Variants in HLA-DOA observed in about 807,000 individuals in gnomAD.
HLA-DOA encodes the protein major histocompatibility complex, class II, DO alpha.
A neutral mutation model predicts 22.9 loss-of-function variants in HLA-DOA; 27 were observed. The observed-to-expected ratio is 1.18, with a 90% CI of 0.87 to 1.62. The LOEUF (loss-of-function observed/expected upper bound fraction) is 1.62, where lower values mean the gene tolerates loss of function less well. Among genes scored for constraint, HLA-DOA ranks in the 40% most tolerant of loss-of-function variants. HLA-DOA has a pLI of 0.00. For missense variants in HLA-DOA, 324 were observed against 332.4 expected, an observed-to-expected ratio of 0.97 and a Z score of 0.20; for synonymous variants, 137 against 138.6, an observed-to-expected ratio of 0.99 and a Z score of 0.08.
At chr6:33,008,681 A>T (rs1780933281) in intron 1 of HLA-DOA, among the ~76,000 whole-genome samples, 1 of 152,138 alleles carries the variant, frequency 6.6e-6, no homozygotes, top group South Asian at 2.1e-4. Flanking sequence ...GATGCAGTGC[A>T]GGTGGGTGTG....
chr6:33,006,896 C>G, intron 4 of HLA-DOA, 55 bp from the exon 5 acceptor site: 1 of 1,514,484 alleles, frequency 6.6e-7, no homozygotes, highest in South Asian at 1.1e-5. Flanking sequence ...ATGCTGGGAT[C>G]CTATCTCTGA....
intron 4 of HLA-DOA, 44 bp from the exon 5 acceptor site, chr6:33,006,885 T>C (rs1780830028): frequency 6.5e-7 from 1 of 1,540,294 alleles, no homozygotes; most frequent in African/African-American, 1.4e-5. Context: ...TCAATTTCAA[T>C]ATGCTGGGAT....
chr6:33,008,464 T>A, intron 1 of HLA-DOA: 1 of 1,362,694 alleles, frequency 7.3e-7, no homozygotes, highest in East Asian at 2.8e-5. Context: ...CACACTGCAG[T>A]CGGCACAGAG....
Position 33,006,665 on chromosome 6 carries a change from C to A in HLA-DOA, c.*173G>T, listed in dbSNP as rs996177740. The A allele has an allele frequency of 3.5e-5, 32 of 917,436 alleles. No homozygotes were observed. The highest frequency in any genetic ancestry group is 5.1e-5 in the Non-Finnish European group (29 of 566,766). 56.8% of individuals were successfully genotyped at this position (917,436 alleles called of 1,614,324 possible). On this transcript the variant is annotated 3_prime_UTR_variant, in exon 5 of 5. Transcript: ENST00000229829. ...GGGAAGCTAGTAGGTGTCCAACAAACCCTGCCATGAATACTGGGGCCAAAA... is the reference window on the plus strand; with the variant it reads ...GGGAAGCTAGTAGGTGTCCAACAAAACCTGCCATGAATACTGGGGCCAAAA...
chr6:33,006,055 A>G lies in HLA-DOA; in HGVS notation c.*783T>C, dbSNP rs191517336. ...AGTAGACCAAAATCTTCTAGGCCAC[A>G]TATTTAGAGTGTGTCTAGGTGGACC... On this transcript the variant is annotated 3_prime_UTR_variant, in exon 5 of 5. Coordinates refer to ENST00000229829, the MANE Select transcript of HLA-DOA (RefSeq NM_002119.4). 1 of 152,310 alleles carries G rather than the reference A, an allele frequency of 6.6e-6. No homozygotes were observed. The highest frequency in any genetic ancestry group is 2.4e-5 in the African/African-American group (1 of 41,552). The allele number at this position is 152,310 out of a possible 1,614,324, so 9.4% of individuals were successfully genotyped here. A position where few individuals can be genotyped will look rare whatever the true frequency, so the allele number is the denominator to read the frequency against.
Position 33,007,135 on chromosome 6 carries a change from AG to A in HLA-DOA, c.693del (p.Phe232SerfsTer49). On this transcript the variant is annotated frameshift_variant, in exon 4 of 5. Transcript: ENST00000229829. LOFTEE classifies it high-confidence loss of function. ...CALGLAIGLV[G>X]FLVGTVLIIM... ...ATGATGAGGACGGTGCCCACGAGGA[AG>A]CCCACCAGGCCGATGGCCAGGCCCA... 4 of 1,613,902 alleles carry A rather than the reference AG, an allele frequency of 2.5e-6. No individual in the cohort carries two copies. The highest frequency in any genetic ancestry group is 3.4e-6 in the Non-Finnish European group (4 of 1,180,032).
chr6:33,009,446 C>T lies in HLA-DOA; in HGVS notation c.82+9G>A. On this transcript the variant is annotated intron_variant, in intron 1 of 4. Coordinates refer to ENST00000229829, the MANE Select transcript of HLA-DOA (RefSeq NM_002119.4). The surrounding 1 kb of genome is among the most constrained non-coding windows in gnomAD (Gnocchi z 4.8). ...CTCCCCGCCGCACCCTCCTCGCCCT[C>T]GCACTCACCCTTGGTGGCCCCTGCC... 6.3e-7 allele frequency: 1 copy of T among 1,584,664 alleles called. No individual in the cohort carries two copies. Among genetic ancestry groups the T allele is most frequent in the African/African-American group, 1.3e-5 (1 of 74,506 alleles).
rs898628278 is a variant in HLA-DOA at position 33,004,552 on chromosome 6, T to G, written c.*2286A>C. ...CCTCTGTGGGTTGTGAGGGTTGAGA[T>G]GATATAAACTCAGGAGCTGTCGGGT... On this transcript the variant is annotated 3_prime_UTR_variant, in exon 5 of 5. Transcript: ENST00000229829. The G allele has an allele frequency of 9.3e-4, 142 of 152,126 alleles. 2 individuals are homozygous for G. The highest frequency in any genetic ancestry group is 3.3e-3 in the African/African-American group (136 of 41,394). The allele number at this position is 152,126 out of a possible 1,614,324, so 9.4% of individuals were successfully genotyped here.
At position 33,006,640 on chromosome 6, in the gene HLA-DOA, G is replaced by T; in HGVS notation, c.*198C>A. 1 of 719,870 alleles carries T rather than the reference G, an allele frequency of 1.4e-6. No individual in the cohort carries two copies. The highest frequency in any genetic ancestry group is 1.6e-5 in the South Asian group (1 of 63,686). 44.6% of individuals were successfully genotyped at this position (719,870 alleles called of 1,614,324 possible). A position where few individuals can be genotyped will look rare whatever the true frequency, so the allele number is the denominator to read the frequency against. On this transcript the variant is annotated 3_prime_UTR_variant, in exon 5 of 5. Transcript: ENST00000229829. ...AATGTGTGTGTGTGTTGAATGGGAA[G>T]GGAAGCTAGTAGGTGTCCAACAAAC...
At position 33,004,849 on chromosome 6, in the gene HLA-DOA, T is replaced by C. The variant is rs1780746977; in HGVS notation, c.*1989A>G. ...GTTTCTGTTACTGGCACACAAAAAG[T>C]TTGCCTGAGATGATTCTCCTCCACT... On this transcript the variant is annotated 3_prime_UTR_variant, in exon 5 of 5. Coordinates refer to ENST00000229829, the MANE Select transcript of HLA-DOA (RefSeq NM_002119.4). 1 of 152,272 alleles carries C rather than the reference T, an allele frequency of 6.6e-6. No individual in the cohort carries two copies. The highest frequency in any genetic ancestry group is 1.5e-5 in the Non-Finnish European group (1 of 68,088). 9.4% of individuals were successfully genotyped at this position (152,272 alleles called of 1,614,324 possible).
chr6:33,007,803 G>T, intron 2 of HLA-DOA: 1 of 831,794 alleles, frequency 1.2e-6, no homozygotes, highest in South Asian at 1.8e-5. Context: ...CTGGTCCCTG[G>T]GCGGGAGTCC....
In HLA-DOA at chr6:33,009,081, C is replaced by T. The variant is rs955619314; in HGVS notation, c.82+374G>A. ...CAAAGACAGGTAAATAGTTAACTAC[C>T]GGCATGGGCATAAATACTGCAACAG... On this transcript the variant is annotated intron_variant, in intron 1 of 4. Coordinates refer to ENST00000229829, the MANE Select transcript of HLA-DOA (RefSeq NM_002119.4). This position sits in a 1 kb window ranked among gnomAD's most constrained non-coding sequence, Gnocchi z 4.8. Among the ~76,000 whole-genome samples, 2 of 152,142 alleles carry T rather than the reference C, an allele frequency of 1.3e-5. No homozygotes were observed. The highest frequency in any genetic ancestry group is 2.9e-5 in the Non-Finnish European group (2 of 68,020).
chr6:33,007,202 A>G lies in HLA-DOA; in HGVS notation c.627T>C (p.Pro209=). ...TCTCCATGGCATCTGGTGGTGGAAT[A>G]GGCACCTGGAGCTCTAGGAGAGAAA... The part of the protein sequence containing the change: ...PLLRHWELQV[P]IPPPDAMETL... Residue 209 remains proline, a synonymous_variant, in exon 4 of 5, where the codon CCT becomes CCC. Transcript: ENST00000229829. 6.2e-7 allele frequency: 1 copy of G among 1,613,828 alleles called. No individual in the cohort carries two copies. Among genetic ancestry groups the G allele is most frequent in the Non-Finnish European group, 8.5e-7 (1 of 1,180,032 alleles).
At position 33,006,616 on chromosome 6, in the gene HLA-DOA, ATGTG is replaced by A; in HGVS notation, c.*218_*221del. ...AGCCAGAGCTTTGGGTAGAGCAAGAATGTGTGTGTGTGTTGAATGGGAAGGGAAG... is the reference window on the plus strand; with the variant it reads ...AGCCAGAGCTTTGGGTAGAGCAAGAATGTGTGTGTTGAATGGGAAGGGAAG... On this transcript the variant is annotated 3_prime_UTR_variant, in exon 5 of 5. Coordinates refer to ENST00000229829, the MANE Select transcript of HLA-DOA (RefSeq NM_002119.4). The A allele has an allele frequency of 1.5e-6, 1 of 660,638 alleles. No homozygotes were observed. The highest frequency in any genetic ancestry group is 2.3e-5 in the Admixed American group (1 of 44,372). 40.9% of individuals were successfully genotyped at this position (660,638 alleles called of 1,614,324 possible). A position where few individuals can be genotyped will look rare whatever the true frequency, so the allele number is the denominator to read the frequency against.
In HLA-DOA at chr6:33,006,474, C is replaced by A. The variant is rs1780811556; in HGVS notation, c.*364G>T. On this transcript the variant is annotated 3_prime_UTR_variant, in exon 5 of 5. Transcript: ENST00000229829. ...ATGGGCCAAATGGAGCAAGACACAC[C>A]TGTGTGGGCCCCAGGATGGCTGCCA... 1 of 474,972 alleles carries A rather than the reference C, an allele frequency of 2.1e-6. No individual in the cohort carries two copies. The highest frequency in any genetic ancestry group is 3.8e-6 in the Non-Finnish European group (1 of 261,530). 29.4% of individuals were successfully genotyped at this position (474,972 alleles called of 1,614,324 possible).
chr6:33,006,762 G>A lies in HLA-DOA; in HGVS notation c.*76C>T, dbSNP rs531779625. 6.8e-6 allele frequency: 11 copies of A among 1,612,476 alleles called. No individual in the cohort carries two copies. The South Asian group carries it at 8.8e-5, about 13-fold the overall frequency. On this transcript the variant is annotated 3_prime_UTR_variant, in exon 5 of 5. Coordinates refer to ENST00000229829, the MANE Select transcript of HLA-DOA (RefSeq NM_002119.4). ...CAGCGGGATGCACTTAAAGGGCACT[G>A]AGCACGCAGGGGCTGTCACAAACCC...
chr6:33,007,997 G>A lies in HLA-DOA; in HGVS notation c.331+16C>T. 6.2e-7 allele frequency: 1 copy of A among 1,604,080 alleles called. No homozygotes were observed. Among genetic ancestry groups the A allele is most frequent in the Non-Finnish European group, 8.5e-7 (1 of 1,173,678 alleles). On this transcript the variant is annotated intron_variant, in intron 2 of 4. Transcript: ENST00000229829. Reference sequence around the variant, plus strand: ...ACCTTCCCGCCTGACTGGGTGGGCAGAGGGAGGGCCGGTACCGTTGATGGC... The same window carrying A: ...ACCTTCCCGCCTGACTGGGTGGGCAAAGGGAGGGCCGGTACCGTTGATGGC...
chr6:33,006,742 G>C lies in HLA-DOA; in HGVS notation c.*96C>G, dbSNP rs988578457. ...GATCCCACTCAAAGTCAGCACAGCG[G>C]GATGCACTTAAAGGGCACTGAGCAC... On this transcript the variant is annotated 3_prime_UTR_variant, in exon 5 of 5. Coordinates refer to ENST00000229829, the MANE Select transcript of HLA-DOA (RefSeq NM_002119.4). 1 of 1,606,170 alleles carries C rather than the reference G, an allele frequency of 6.2e-7. No individual in the cohort carries two copies. The highest frequency in any genetic ancestry group is 1.7e-5 in the Admixed American group (1 of 60,008).
At position 33,004,637 on chromosome 6, in the gene HLA-DOA, G is replaced by T. The variant is rs1780739519; in HGVS notation, c.*2201C>A. On this transcript the variant is annotated 3_prime_UTR_variant, in exon 5 of 5. Coordinates refer to ENST00000229829, the MANE Select transcript of HLA-DOA (RefSeq NM_002119.4). The stretch of plus-strand genomic sequence containing the variant: ...GAGAGAGAACACCGCTAACATGCAG[G>T]GGGGTCTAGAGAACACAGACCATGT... 6.6e-6 allele frequency: 1 copy of T among 152,204 alleles called. No homozygotes were observed. The highest frequency in any genetic ancestry group is 2.1e-4 in the South Asian group (1 of 4,818). 9.4% of individuals were successfully genotyped at this position (152,204 alleles called of 1,614,324 possible).
Sources: gnomAD v4.1 joint callset for allele counts (sites outside exome capture counted in the v4.1 genomes callset) on GRCh38, gnomAD v4.1.1 for gene constraint, Gnocchi (gnomAD v3.1) non-coding constraint, MANE v1.5 for transcripts, NCBI Gene and HGNC (gene_info 2026-07-23, HGNC 2026-07-21) for gene names.